Variants in TBC1D5 observed in about 807,000 individuals in gnomAD.
The protein encoded by TBC1D5 is TBC1 domain family member 5.
A neutral mutation model predicts 100.3 loss-of-function variants in TBC1D5; 75 were observed. That is an observed-to-expected ratio of 0.75 (90% CI 0.62 to 0.91). The LOEUF is 0.91. Among genes scored for constraint, TBC1D5 ranks in the 40% least tolerant of loss-of-function variants. The pLI is 0.00. For missense variants in TBC1D5, 910 were observed against 942.4 expected (o/e 0.97, Z 0.45); for synonymous variants, 323 against 325.6 (o/e 0.99, Z 0.09).
At chr3:17,374,512 C>A in exon 12 of TBC1D5, 3 of 1,612,148 alleles carry the variant, frequency 1.9e-6, no homozygotes, top group Non-Finnish European at 2.5e-6. Flanking sequence ...CAAGGTTCAG[C>A]AGTTTCCATA....
At chr3:17,591,262 A>AAAAAC (rs1560228160) in intron 2 of TBC1D5, among the ~76,000 whole-genome samples, 1 of 112,798 alleles carries the variant, frequency 8.9e-6, no homozygotes, top group Non-Finnish European at 1.8e-5. Context: ...AAAAAAAAAA[A>AAAAAC]AAAACAAAAA....
chr3:17,487,869 A>C (rs1208485268), intron 3 of TBC1D5, among the ~76,000 whole-genome samples: 1 of 152,170 alleles, frequency 6.6e-6, no homozygotes, highest in African/African-American at 2.4e-5. Flanking sequence ...AAACTGAACA[A>C]AAGTACAGTA....
At chr3:17,734,150 T>C (rs1271862698) in intron 1 of TBC1D5, among the ~76,000 whole-genome samples, 1 of 152,352 alleles carries the variant, frequency 6.6e-6, no homozygotes, top group East Asian at 1.9e-4. Context: ...GTCATAAAGA[T>C]TGAAAGAAAT....
At position 17,396,806 on chromosome 3, in the gene TBC1D5, A is replaced by G. The variant is rs2093518717; in HGVS notation, c.509+6375T>C. Among the ~76,000 whole-genome samples the G allele has an allele frequency of 2.0e-5, 3 of 152,142 alleles. No individual in the cohort carries two copies. The South Asian group carries it at 6.2e-4, about 32-fold the overall frequency. On this transcript the variant is annotated intron_variant, in intron 8 of 21. Coordinates refer to ENST00000253692, the Ensembl canonical transcript of TBC1D5. ...AAATGTTTCACAGAGGCCATATCTA[A>G]AAGTTCAACATGAATAAAAAGCAAA...
At chr3:17,592,107 C>T (rs1259545584) in intron 2 of TBC1D5, among the ~76,000 whole-genome samples, 1 of 152,234 alleles carries the variant, frequency 6.6e-6, no homozygotes, top group Admixed American at 6.5e-5. Context: ...TTCTCCATTC[C>T]TGTCCATAAG....
chr3:17,423,247 A>C (rs2094258163), intron 4 of TBC1D5, among the ~76,000 whole-genome samples: 1 of 152,102 alleles, frequency 6.6e-6, no homozygotes, highest in Non-Finnish European at 1.5e-5. Context: ...TCTTCAATAA[A>C]AGCTCTTTTC....
intron 13 of TBC1D5, among the ~76,000 whole-genome samples, chr3:17,363,975 T>A (rs899667040): frequency 9.2e-5 from 14 of 151,422 alleles, no homozygotes; most frequent in East Asian, 1.9e-4. Flanking sequence ...TTTTTTTTTT[T>A]AATTTAACAG....
At chr3:17,734,424 A>C (rs2076802363) in intron 1 of TBC1D5, among the ~76,000 whole-genome samples, 1 of 152,222 alleles carries the variant, frequency 6.6e-6, no homozygotes, top group African/African-American at 2.4e-5. Context: ...AAAAGCTTAA[A>C]ATTTTTTGGA....
At chr3:17,475,174 G>GCCACC (rs1559968506) in intron 3 of TBC1D5, among the ~76,000 whole-genome samples, 8 of 150,194 alleles carry the variant, frequency 5.3e-5, no homozygotes, top group African/African-American at 2.0e-4. Context: ...GTTCTACCTT[G>GCCACC]CCCCGCCCCA....
chr3:17,167,255 T>TC (rs2066717239), intron 20 of TBC1D5, among the ~76,000 whole-genome samples: 2 of 152,214 alleles, frequency 1.3e-5, no homozygotes, highest in Non-Finnish European at 2.9e-5. Flanking sequence ...CCTTGGTCAC[T>TC]AAAGTGGCTC....
intron 17 of TBC1D5, among the ~76,000 whole-genome samples, chr3:17,218,501 ACT>A (rs1370729856): frequency 4.6e-5 from 7 of 151,628 alleles, no homozygotes; most frequent in African/African-American, 1.5e-4. Context: ...CTTTATCAGA[ACT>A]CTTTTTCTTT....
intron 1 of TBC1D5, among the ~76,000 whole-genome samples, chr3:17,706,504 C>CCTTA (rs1170180832): frequency 6.6e-6 from 1 of 152,002 alleles, no homozygotes; most frequent in African/African-American, 2.4e-5. Context: ...AATGCTTGAC[C>CCTTA]CTTACAATGT....
chr3:17,612,888 C>CT (rs1236647091), intron 2 of TBC1D5, among the ~76,000 whole-genome samples: 7,441 of 131,822 alleles, frequency 0.056, 531 homozygotes, highest in African/African-American at 0.18. Context: ...GCCCCCTTTT[C>CT]TTTTTTTTTT....
intron 19 of TBC1D5, among the ~76,000 whole-genome samples, chr3:17,179,197 C>A (rs1019152420): frequency 3.3e-5 from 5 of 152,136 alleles, no homozygotes; most frequent in Admixed American, 6.5e-5. Context: ...CAATAAAAAG[C>A]GTATTTAAAA....
chr3:17,654,158 T>C (rs1001549463), intron 1 of TBC1D5, among the ~76,000 whole-genome samples: 5 of 152,138 alleles, frequency 3.3e-5, no homozygotes, highest in Non-Finnish European at 7.4e-5. Flanking sequence ...AACAAAACAC[T>C]TATAATTCCT....
intron 13 of TBC1D5, among the ~76,000 whole-genome samples, chr3:17,356,301 T>C (rs2091207597): frequency 6.6e-6 from 1 of 152,158 alleles, no homozygotes. Context: ...TCCTAAACCA[T>C]CTATTTTGCA....
chr3:17,396,080 G>A (rs757771893), intron 8 of TBC1D5, among the ~76,000 whole-genome samples: 47 of 152,000 alleles, frequency 3.1e-4, no homozygotes, highest in Non-Finnish European at 5.9e-4. Flanking sequence ...ACAGGTTGCC[G>A]ACAACTCTTA....
intron 17 of TBC1D5, 130 bp from the exon 19 acceptor site, chr3:17,214,500 T>C (rs2073390126): frequency 8.5e-6 from 8 of 942,642 alleles, no homozygotes; most frequent in African/African-American, 1.7e-5. Flanking sequence ...AATGACACTA[T>C]GGAGTATTAA....
chr3:17,559,699 C>A (rs932180737), intron 2 of TBC1D5, among the ~76,000 whole-genome samples: 2 of 151,756 alleles, frequency 1.3e-5, no homozygotes, highest in Non-Finnish European at 2.9e-5. Context: ...AAGCGATTCT[C>A]CTGCCTCAGC....
Sources: gnomAD v4.1 joint callset for allele counts (sites outside exome capture counted in the v4.1 genomes callset) on GRCh38, gnomAD v4.1.1 for gene constraint, MANE v1.5 for transcripts, NCBI Gene and HGNC (gene_info 2026-07-23, HGNC 2026-07-21) for gene names.